KLHL2: variants seen among roughly 807,000 people sequenced by gnomAD.
KLHL2 encodes the protein kelch-like protein 2.
In KLHL2, 15 loss-of-function variants were observed where a neutral mutation model predicts 75.8. That is an observed-to-expected ratio of 0.20 (90% CI 0.13 to 0.30). KLHL2 has a LOEUF of 0.30. Ranked by LOEUF, KLHL2 falls within the 10% of genes least tolerant of loss-of-function variation. The pLI, the probability that KLHL2 is intolerant of heterozygous loss-of-function variation, is 1.00. For synonymous variants in KLHL2, 214 were observed against 251.9 expected (o/e 0.85, Z 1.42); for missense variants, 381 against 741.0 (o/e 0.51, Z 5.64).
Position 165,294,467 on chromosome 4 carries a change from A to T in KLHL2, c.653A>T (p.Lys218Met). Residue 218 changes from lysine to methionine, a missense_variant and splice_region_variant, in exon 6 of 15, where the codon AAG (lysine) becomes ATG (methionine). Lys to Met is a moderately conservative substitution (Grantham distance 95, BLOSUM62 -1). Coordinates refer to ENST00000226725, the MANE Select transcript of KLHL2 (RefSeq NM_007246.4). ...SDKLTISSEEKVFEAVIAWVN... is the reference protein window; with the variant it reads ...SDKLTISSEEMVFEAVIAWVN... ...AAACTTACCATTTCTTCAGAAGAGA[A>T]GGTAAGGATATTTTTCTTTTCCCAG... 2 of 1,537,728 alleles carry T rather than the reference A, an allele frequency of 1.3e-6. No homozygotes were observed. Among genetic ancestry groups the T allele is most frequent in the Non-Finnish European group, 1.8e-6 (2 of 1,113,762 alleles).
At chr4:165,243,222 T>A (rs1306532639) in intron 4 of KLHL2, among the ~76,000 whole-genome samples, 1 of 152,220 alleles carries the variant, frequency 6.6e-6, no homozygotes, top group Non-Finnish European at 1.5e-5. Context: ...ATTTACTTCA[T>A]TGCTAAATTT....
intron 5 of KLHL2, among the ~76,000 whole-genome samples, chr4:165,286,068 A>AT (rs1323627868): frequency 6.6e-6 from 1 of 152,210 alleles, no homozygotes; most frequent in Non-Finnish European, 1.5e-5. Flanking sequence ...GTTGAGAGGA[A>AT]TATCAACAGA....
intron 3 of KLHL2, among the ~76,000 whole-genome samples, chr4:165,236,182 A>G (rs1225812732): frequency 6.6e-6 from 1 of 152,190 alleles, no homozygotes; most frequent in Non-Finnish European, 1.5e-5. Flanking sequence ...AAGGAAGAGG[A>G]GAGAATCAAG....
chr4:165,212,465 G>A (rs962893007), intron 1 of KLHL2, among the ~76,000 whole-genome samples: 5 of 152,088 alleles, frequency 3.3e-5, no homozygotes, highest in African/African-American at 7.2e-5. Flanking sequence ...TGTGTGTTAC[G>A]CACTGTACTT....
intron 8 of KLHL2, 84 bp from the exon 9 acceptor site, chr4:165,305,524 C>T (rs561237229): frequency 1.8e-6 from 2 of 1,103,366 alleles, no homozygotes; most frequent in South Asian, 1.3e-5. Flanking sequence ...CTAACACTTC[C>T]CACACCAGTG....
At position 165,244,145 on chromosome 4, in the gene KLHL2, C is replaced by T. The variant is rs553710506; in HGVS notation, c.381+5246C>T. 2.0e-5 allele frequency among the ~76,000 whole-genome samples: 3 copies of T among 152,260 alleles called. No individual in the cohort carries two copies. In the South Asian group the frequency reaches 6.2e-4, roughly 32 times the overall value. ...TTATACAGTTTCTCTTTCATTCCTC[C>T]CGTGTCTAATTGGATTGAAAACATT... On this transcript the variant is annotated intron_variant, in intron 4 of 14. Coordinates refer to ENST00000226725, the MANE Select transcript of KLHL2 (RefSeq NM_007246.4).
intron 5 of KLHL2, among the ~76,000 whole-genome samples, chr4:165,283,967 C>G (rs913168508): frequency 3.3e-5 from 5 of 152,230 alleles, no homozygotes; most frequent in Non-Finnish European, 5.9e-5. Context: ...AGGCCACGGC[C>G]TGAGCTCTAT....
intron 3 of KLHL2, among the ~76,000 whole-genome samples, chr4:165,232,283 C>T (rs1284885227): frequency 4.6e-5 from 7 of 151,704 alleles, no homozygotes; most frequent in African/African-American, 1.5e-4. Context: ...AAAAATTAGC[C>T]GGGCGTGGTG....
chr4:165,254,371 G>A (rs1740985530), intron 4 of KLHL2, among the ~76,000 whole-genome samples: 1 of 151,416 alleles, frequency 6.6e-6, no homozygotes, highest in African/African-American at 2.5e-5. Context: ...TAGATCTTTA[G>A]TTGGTTCTGG....
chr4:165,278,359 G>A, intron 5 of KLHL2: 5 of 1,248,756 alleles, frequency 4.0e-6, no homozygotes, highest in Non-Finnish European at 5.9e-6. Context: ...TTTTGTTGCT[G>A]GTCATTCCTC....
At chr4:165,281,797 A>G (rs1448003471) in intron 5 of KLHL2, among the ~76,000 whole-genome samples, 3 of 152,212 alleles carry the variant, frequency 2.0e-5, no homozygotes, top group African/African-American at 7.2e-5. Flanking sequence ...AAGGATTCAT[A>G]TGTATATTAT....
intron 7 of KLHL2, 70 bp downstream of exon 7, chr4:165,297,795 T>C: frequency 1.1e-6 from 1 of 915,444 alleles, no homozygotes; most frequent in Non-Finnish European, 1.8e-6. Context: ...TGTAGATCCC[T>C]ATCAAGCAGT....
At chr4:165,255,332 T>G (rs980760625) in intron 4 of KLHL2, among the ~76,000 whole-genome samples, 61 of 152,228 alleles carry the variant, frequency 4.0e-4, no homozygotes, top group African/African-American at 1.4e-3. Flanking sequence ...GGATTTATTC[T>G]GGAAGATCTT....
chr4:165,261,261 C>A (rs1286796783), intron 4 of KLHL2, among the ~76,000 whole-genome samples: 1 of 152,224 alleles, frequency 6.6e-6, no homozygotes, highest in Non-Finnish European at 1.5e-5. Flanking sequence ...TGTGGATATT[C>A]ATTCTCATAA....
intron 5 of KLHL2, among the ~76,000 whole-genome samples, chr4:165,271,805 AGCTTCTGTGTTCACT>A (rs1289385097): frequency 6.6e-5 from 10 of 152,208 alleles, no homozygotes; most frequent in African/African-American, 2.4e-4. Context: ...TTCCTGTGGA[AGCTTCTGTGTTCACT>A]GCTCCTTTAA....
chr4:165,303,728 A>C (rs1284973756), intron 8 of KLHL2, among the ~76,000 whole-genome samples: 1 of 151,858 alleles, frequency 6.6e-6, no homozygotes, highest in African/African-American at 2.4e-5. Flanking sequence ...ATGCCTGGCT[A>C]ATTTTTGTAT....
Position 165,313,266 on chromosome 4 carries a change from T to C in KLHL2, c.1368T>C (p.Asp456=). Residue 456 remains aspartate, a synonymous_variant, in exon 12 of 15, where the codon GAT becomes GAC. Transcript: ENST00000226725. ...TGCTCTATGCTGTAGGAGGTTATGA[T>C]GGAGCATCACGTCAGTGTCTTAGCA... ...GGLLYAVGGY[D]GASRQCLSTV... 6.2e-7 allele frequency: 1 copy of C among 1,611,054 alleles called. No individual in the cohort carries two copies. Among genetic ancestry groups the C allele is most frequent in the Non-Finnish European group, 8.5e-7 (1 of 1,178,724 alleles).
At position 165,243,277 on chromosome 4, in the gene KLHL2, G is replaced by C. The variant is rs1351116792; in HGVS notation, c.381+4378G>C. Among the ~76,000 whole-genome samples the C allele has an allele frequency of 5.9e-5, 9 of 152,282 alleles. No individual in the cohort carries two copies. The East Asian group carries it at 1.5e-3, about 26-fold the overall frequency. On this transcript the variant is annotated intron_variant, in intron 4 of 14. Coordinates refer to ENST00000226725, the MANE Select transcript of KLHL2 (RefSeq NM_007246.4). ...TTGACTTCTCCGCCTTTGGGTATTT[G>C]TTTTGGCTTCCTAAAAGTAGGTAAG...
At chr4:165,279,414 G>A (rs758675548) in intron 5 of KLHL2, 30 of 1,593,632 alleles carry the variant, frequency 1.9e-5, no homozygotes, top group Non-Finnish European at 2.5e-5. Context: ...CCAATATTGA[G>A]CTGTCCAAGT....
Sources: gnomAD v4.1 joint callset for allele counts (sites outside exome capture counted in the v4.1 genomes callset) on GRCh38, gnomAD v4.1.1 for gene constraint, MANE v1.5 for transcripts, NCBI Gene and HGNC (gene_info 2026-07-23, HGNC 2026-07-21) for gene names.